Variants in RBFOX1 observed in about 807,000 individuals in gnomAD.
The protein encoded by RBFOX1 is RNA binding protein fox-1 homolog 1.
Under a neutral mutation model 57.7 loss-of-function variants are expected in RBFOX1, and 8 were observed. The ratio of observed to expected loss-of-function variants is 0.14; its 90% CI spans 0.08 to 0.25. RBFOX1 has a LOEUF of 0.25. Ranked by LOEUF, RBFOX1 falls within the 10% of genes least tolerant of loss-of-function variation. RBFOX1 has a pLI of 1.00. For synonymous variants in RBFOX1, 326 were observed against 222.4 expected (o/e 1.47, Z -4.15); for missense variants, 611 against 548.5 (o/e 1.11, Z -1.14).
Position 6,058,198 on chromosome 16 carries a change from A to AAGT in RBFOX1, c.-127+38207_-127+38209dup, listed in dbSNP as rs528559603. ...TTCTTTATCACAGAAATTCTCATCA[A>AAGT]AGTCATTTCCTATCAGAAATATGAG... On this transcript the variant is annotated intron_variant, in intron 1 of 15. Coordinates refer to ENST00000550418, the MANE Select transcript of RBFOX1 (RefSeq NM_018723.4). Among the ~76,000 whole-genome samples the AAGT allele has an allele frequency of 2.6e-5, 4 of 152,190 alleles. No individual in the cohort carries two copies. The East Asian group carries it at 7.8e-4, about 29-fold the overall frequency.
At chr16:5,613,044 G>A (rs1424242475) in intron 3 of RBFOX1, among the ~76,000 whole-genome samples, 1 of 152,176 alleles carries the variant, frequency 6.6e-6, no homozygotes, top group African/African-American at 2.4e-5. Context: ...ATGAGAATGG[G>A]ACTAAGGCTA....
chr16:6,762,760 A>G (rs2076797052), intron 3 of RBFOX1, among the ~76,000 whole-genome samples: 1 of 151,322 alleles, frequency 6.6e-6, no homozygotes, highest in African/African-American at 2.4e-5. Flanking sequence ...GCCTTACCCC[A>G]AGGGGATAGG....
intron 4 of RBFOX1, among the ~76,000 whole-genome samples, chr16:7,395,694 G>C (rs1811898972): frequency 6.6e-6 from 1 of 152,206 alleles, no homozygotes; most frequent in South Asian, 2.1e-4. Flanking sequence ...TGTGTCTATA[G>C]ACTTGCAAAT....
upstream of RBFOX1, among the ~76,000 whole-genome samples, chr16:6,016,061 C>G (rs1315403287): frequency 6.6e-6 from 1 of 152,194 alleles, no homozygotes; most frequent in Non-Finnish European, 1.5e-5. Context: ...CAATCTACTG[C>G]AGGAAAGAAG....
chr16:6,366,414 C>T (rs1215195607), intron 2 of RBFOX1, among the ~76,000 whole-genome samples: 1 of 152,110 alleles, frequency 6.6e-6, no homozygotes, highest in Non-Finnish European at 1.5e-5. Context: ...CTACAGACAT[C>T]ATGTCCCCTA....
chr16:5,368,125 A>T (rs1309595960), intron 1 of RBFOX1, among the ~76,000 whole-genome samples: 3 of 152,260 alleles, frequency 2.0e-5, no homozygotes, highest in African/African-American at 4.8e-5. Context: ...GATGAATGGT[A>T]ATTCCCTGAT....
intron 3 of RBFOX1, among the ~76,000 whole-genome samples, chr16:5,667,257 T>C (rs1452625900): frequency 6.6e-6 from 1 of 152,236 alleles, no homozygotes; most frequent in Non-Finnish European, 1.5e-5. Flanking sequence ...CCCCCAAGAT[T>C]CCTGAGTTCA....
chr16:6,935,695 G>A (rs1367978626), intron 3 of RBFOX1, among the ~76,000 whole-genome samples: 1 of 152,184 alleles, frequency 6.6e-6, no homozygotes, highest in Non-Finnish European at 1.5e-5. Flanking sequence ...GTGATTAGGA[G>A]GTTTGAGAAT....
At chr16:7,343,141 C>T (rs767191714) in intron 4 of RBFOX1, among the ~76,000 whole-genome samples, 1 of 152,128 alleles carries the variant, frequency 6.6e-6, no homozygotes, top group East Asian at 1.9e-4. Flanking sequence ...AGCTCTGGCA[C>T]ACCGTGGGCG....
chr16:7,627,260 C>T (rs1302652615), intron 10 of RBFOX1, among the ~76,000 whole-genome samples: 1 of 151,116 alleles, frequency 6.6e-6, no homozygotes, highest in African/African-American at 2.4e-5. Flanking sequence ...AAGGTTTCAT[C>T]CACTTCACCA....
chr16:6,631,499 C>G (rs1473043518), intron 2 of RBFOX1, among the ~76,000 whole-genome samples: 1 of 151,900 alleles, frequency 6.6e-6, no homozygotes, highest in Admixed American at 6.6e-5. Context: ...TAAAGTTACT[C>G]CATTCGCTCC....
At chr16:5,459,967 C>T (rs2068741619) in intron 1 of RBFOX1, among the ~76,000 whole-genome samples, 2 of 152,310 alleles carry the variant, frequency 1.3e-5, no homozygotes, top group Non-Finnish European at 1.5e-5. Context: ...TTATTCTCAG[C>T]TGCAAAGACA....
intron 2 of RBFOX1, among the ~76,000 whole-genome samples, chr16:5,592,701 C>T (rs527958021): frequency 1.3e-5 from 2 of 152,300 alleles, no homozygotes; most frequent in South Asian, 2.1e-4. Flanking sequence ...GATGTTTTGC[C>T]TCCAAGAAGG....
intron 1 of RBFOX1, among the ~76,000 whole-genome samples, chr16:6,200,383 TGAGA>T (rs138461498): frequency 6.9e-4 from 103 of 149,786 alleles, no homozygotes; most frequent in African/African-American, 2.1e-3. Flanking sequence ...CTGATGTGAG[TGAGA>T]GAGAGAGAGA....
At chr16:6,702,090 C>A (rs1300402102) in intron 3 of RBFOX1, among the ~76,000 whole-genome samples, 2 of 152,106 alleles carry the variant, frequency 1.3e-5, no homozygotes, top group African/African-American at 4.8e-5. Context: ...ACCCCTGAAT[C>A]TAAAATAAAA....
At chr16:6,155,336 A>G (rs1342392188) in intron 1 of RBFOX1, among the ~76,000 whole-genome samples, 1 of 152,184 alleles carries the variant, frequency 6.6e-6, no homozygotes, top group African/African-American at 2.4e-5. Flanking sequence ...GGAGCTGTGC[A>G]CTGTTGAGGA....
chr16:7,188,659 C>G (rs1373110071), intron 4 of RBFOX1, among the ~76,000 whole-genome samples: 1 of 152,170 alleles, frequency 6.6e-6, no homozygotes, highest in Non-Finnish European at 1.5e-5. Flanking sequence ...TATCATTATC[C>G]TGAGTTGAAC....
intron 2 of RBFOX1, among the ~76,000 whole-genome samples, chr16:6,512,283 C>CAAAAAAAAAAAAAAAAAAAAAAAAAAA (rs565248640): frequency 5.9e-4 from 51 of 86,894 alleles, no homozygotes; most frequent in African/African-American, 9.9e-4. Context: ...GACCCTGTAT[C>CAAAAAAAAAAAAAAAAAAAAAAAAAAA]AAAAAAAAAA....
chr16:6,845,389 T>C (rs2093701259), intron 3 of RBFOX1, among the ~76,000 whole-genome samples: 1 of 152,144 alleles, frequency 6.6e-6, no homozygotes, highest in African/African-American at 2.4e-5. Flanking sequence ...GTTTCAATTT[T>C]CTGTGTATGG....
Sources: allele counts gnomAD v4.1 joint callset (sites outside exome capture counted in the v4.1 genomes callset), GRCh38; gene constraint gnomAD v4.1.1; transcripts MANE v1.5; gene names NCBI Gene and HGNC (gene_info 2026-07-23, HGNC 2026-07-21).